HNRNPA2B1: variants seen among roughly 807,000 people sequenced by gnomAD.
HNRNPA2B1 encodes heterogeneous nuclear ribonucleoprotein A2/B1.
In HNRNPA2B1, 3 loss-of-function variants were observed where a neutral mutation model predicts 46.3. That is an observed-to-expected ratio of 0.06 (90% CI 0.03 to 0.17). The LOEUF is 0.17. HNRNPA2B1 is among the 10% of genes least tolerant of loss of function. HNRNPA2B1 has a pLI of 1.00. For missense variants in HNRNPA2B1, 221 were observed against 418.9 expected, an observed-to-expected ratio of 0.53 and a Z score of 4.12; for synonymous variants, 225 against 133.8, an observed-to-expected ratio of 1.68 and a Z score of -4.70.
At chr7:26,194,046 T>C (rs1349386641) in intron 7 of HNRNPA2B1, among the ~76,000 whole-genome samples, 1 of 152,226 alleles carries the variant, frequency 6.6e-6, no homozygotes, top group East Asian at 1.9e-4. Context: ...CACTTCCTCC[T>C]ACTGGCCCAA....
chr7:26,193,083 CTGAG>C (rs1783094645), intron 9 of HNRNPA2B1, among the ~76,000 whole-genome samples, 164 bp downstream of exon 9: 1 of 152,160 alleles, frequency 6.6e-6, no homozygotes. Context: ...TAACTGCTTG[CTGAG>C]TACTTCTGTG....
intron 7 of HNRNPA2B1, among the ~76,000 whole-genome samples, chr7:26,194,732 C>T (rs1377325880): frequency 3.3e-5 from 5 of 150,976 alleles, no homozygotes. Context: ...ACAGTATGTT[C>T]TTTACTGTAA....
intron 1 of HNRNPA2B1, chr7:26,198,974 A>T (rs905377055): frequency 1.3e-5 from 2 of 152,234 alleles, no homozygotes; most frequent in Non-Finnish European, 2.9e-5. Context: ...AAATTAAAGA[A>T]AAAATTAACT....
chr7:26,197,662 C>T lies in HNRNPA2B1; in HGVS notation c.77G>A (p.Arg26Lys). The change falls in exon 2 of 11, where the codon AGG becomes AAG. Residue 26 changes from arginine to lysine, a missense_variant. Physicochemically the swap from Arg to Lys is conservative, Grantham distance 26. Transcript: ENST00000618183. ...CTTTCCCCATTGTTCGTAGTAGTTC[C>T]TCAAACTTTCTTCTGTGGTTTCAAA... ...LSFETTEESL[R>K]NYYEQWGKLT... The T allele has an allele frequency of 1.2e-6, 2 of 1,613,920 alleles. No individual in the cohort carries two copies. The highest frequency in any genetic ancestry group is 1.7e-6 in the Non-Finnish European group (2 of 1,179,912).
At position 26,200,581 on chromosome 7, in the gene HNRNPA2B1, G is replaced by A. The variant is rs1321233907; in HGVS notation, c.-4C>T. 11 of 1,613,304 alleles carry A rather than the reference G, an allele frequency of 6.8e-6. 1 individual carries two copies. The South Asian group carries it at 7.7e-5, about 11-fold the overall frequency. On this transcript the variant is annotated 5_prime_UTR_variant, in exon 1 of 11. Transcript: ENST00000618183. ...ATTTCAAACCCGTTACCTCCATCGC[G>A]GACTCAGTCGCTTCAGCCCGATTTC... is the stretch of plus-strand genomic sequence containing the variant.
At chr7:26,195,436 G>A (rs772829705) in intron 7 of HNRNPA2B1, among the ~76,000 whole-genome samples, 9 of 152,186 alleles carry the variant, frequency 5.9e-5, no homozygotes, top group Non-Finnish European at 7.3e-5. Flanking sequence ...CGTAGGTTAC[G>A]CTTTTTGAAA....
At chr7:26,195,336 G>C (rs1562708572) in intron 7 of HNRNPA2B1, among the ~76,000 whole-genome samples, 1 of 152,132 alleles carries the variant, frequency 6.6e-6, no homozygotes. Flanking sequence ...AGCCTTTTCT[G>C]TACGCCAATG....
chr7:26,197,888 A>T (rs767187613), intron 1 of HNRNPA2B1, 156 bp from the exon 2 acceptor site: 1 of 1,571,610 alleles, frequency 6.4e-7, no homozygotes, highest in East Asian at 2.2e-5. Flanking sequence ...AAAAAAACTT[A>T]CATCAAATTT....
chr7:26,195,182 G>T (rs1759939887), intron 7 of HNRNPA2B1, among the ~76,000 whole-genome samples: 1 of 145,304 alleles, frequency 6.9e-6, no homozygotes, highest in South Asian at 2.1e-4. Flanking sequence ...CAAGAACTCA[G>T]CTTCCTCTAA....
intron 7 of HNRNPA2B1, among the ~76,000 whole-genome samples, chr7:26,195,321 G>C (rs184551379): frequency 6.6e-6 from 1 of 152,296 alleles, no homozygotes; most frequent in East Asian, 1.9e-4. Context: ...CTGTCAGTGT[G>C]TATCAGCCTT....
intron 7 of HNRNPA2B1, among the ~76,000 whole-genome samples, chr7:26,194,775 T>A (rs2853811): frequency 6.6e-6 from 1 of 151,014 alleles, no homozygotes; most frequent in Non-Finnish European, 1.5e-5. Flanking sequence ...AAATTTACAC[T>A]TTCACATACT....
At chr7:26,195,222 G>T (rs918123755) in intron 7 of HNRNPA2B1, among the ~76,000 whole-genome samples, 1 of 150,738 alleles carries the variant, frequency 6.6e-6, no homozygotes, top group Non-Finnish European at 1.5e-5. Context: ...AGAACAGTGA[G>T]ATACACTATT....
chr7:26,196,771 TG>T (rs1562714893), intron 4 of HNRNPA2B1, 35 bp downstream of exon 4: 3 of 1,592,076 alleles, frequency 1.9e-6, no homozygotes, highest in Non-Finnish European at 2.6e-6. Flanking sequence ...TTGAATACAC[TG>T]GAAAAAAACA....
rs1355969336 is a variant in HNRNPA2B1 at position 26,191,692 on chromosome 7, T to A, written c.*668A>T. On this transcript the variant is annotated 3_prime_UTR_variant, in exon 11 of 11. Coordinates refer to ENST00000618183, the MANE Select transcript of HNRNPA2B1 (RefSeq NM_002137.4). The stretch of plus-strand genomic sequence containing the variant: ...CCTTGCAGAGATATCCCTTAAGTTA[T>A]CTACATAATTTAATCCTGATGAATT... 1.3e-5 allele frequency: 2 copies of A among 152,240 alleles called. No individual in the cohort carries two copies. Among genetic ancestry groups the A allele is most frequent in the Non-Finnish European group, 1.5e-5 (1 of 68,012 alleles). The allele number at this position is 152,240 out of a possible 1,614,324, so 9.4% of individuals were successfully genotyped here.
At chr7:26,199,072 G>C (rs1366349718) in intron 1 of HNRNPA2B1, 1 of 152,226 alleles carries the variant, frequency 6.6e-6, no homozygotes, top group Non-Finnish European at 1.5e-5. Flanking sequence ...TTTTCAGCTA[G>C]TTTTTATTCT....
chr7:26,195,295 T>C (rs543179113), intron 7 of HNRNPA2B1, among the ~76,000 whole-genome samples: 1 of 152,272 alleles, frequency 6.6e-6, no homozygotes, highest in African/African-American at 2.4e-5. Flanking sequence ...GTTTTAAATG[T>C]CCCTTGTTAC....
At chr7:26,200,502 C>A (rs1161733850) in intron 1 of HNRNPA2B1, 70 bp downstream of exon 1, 3 of 1,534,578 alleles carry the variant, frequency 2.0e-6, no homozygotes, top group Non-Finnish European at 1.8e-6. Context: ...GGCGGCTGGC[C>A]GACTTCCACT....
rs1178519132 is a variant in HNRNPA2B1 at position 26,191,767 on chromosome 7, C to G, written c.*593G>C. 6.6e-6 allele frequency: 1 copy of G among 152,408 alleles called. No homozygotes were observed. Among genetic ancestry groups the G allele is most frequent in the African/African-American group, 2.4e-5 (1 of 41,432 alleles). The allele number at this position is 152,408 out of a possible 1,614,324, so 9.4% of individuals were successfully genotyped here. On this transcript the variant is annotated 3_prime_UTR_variant, in exon 11 of 11. Coordinates refer to ENST00000618183, the MANE Select transcript of HNRNPA2B1 (RefSeq NM_002137.4). ...CAGCATTTATCTTATACAAATATAA[C>G]AACAGCTTTGCAACGGACCTTAATT...
Position 26,196,009 on chromosome 7 carries a change from G to T in HNRNPA2B1, c.659-100C>A, listed in dbSNP as rs573048679. 13 of 1,449,474 alleles carry T rather than the reference G, an allele frequency of 9.0e-6. No individual in the cohort carries two copies. In the Admixed American group the frequency reaches 3.1e-4, roughly 35 times the overall value. 89.8% of individuals were successfully genotyped at this position (1,449,474 alleles called of 1,614,324 possible). A position where few individuals can be genotyped will look rare whatever the true frequency, so the allele number is the denominator to read the frequency against. On this transcript the variant is annotated intron_variant, in intron 6 of 10. Coordinates refer to ENST00000618183, the MANE Select transcript of HNRNPA2B1 (RefSeq NM_002137.4). ...CTTACTACCTCAGCACAATAATTAA[G>T]AACCGCAGAAAAGGACACACCAGTG... is the stretch of plus-strand genomic sequence containing the variant.
Sources: gnomAD v4.1 joint callset for allele counts (sites outside exome capture counted in the v4.1 genomes callset) on GRCh38, gnomAD v4.1.1 for gene constraint, MANE v1.5 for transcripts, NCBI Gene and HGNC (gene_info 2026-07-23, HGNC 2026-07-21) for gene names.